CDH23: variants seen among roughly 807,000 people sequenced by gnomAD.
CDH23 encodes the protein cadherin related 23.
In CDH23, 189 loss-of-function variants were observed where a neutral mutation model predicts 317.1. The observed-to-expected ratio is 0.60, with a 90% CI of 0.53 to 0.67. CDH23 has a LOEUF of 0.67. Among genes scored for constraint, CDH23 ranks in the 30% least tolerant of loss-of-function variants. CDH23 has a pLI of 0.00. For missense variants in CDH23, 4,401 were observed against 4,592.4 expected, an observed-to-expected ratio of 0.96 and a Z score of 1.20; for synonymous variants, 1,839 against 1,876.8, an observed-to-expected ratio of 0.98 and a Z score of 0.52.
At chr10:71,582,980 C>T (rs1858748055) in intron 9 of CDH23, among the ~76,000 whole-genome samples, 1 of 152,144 alleles carries the variant, frequency 6.6e-6, no homozygotes, top group African/African-American at 2.4e-5. Context: ...GTTTTATCTA[C>T]TTCTGTGTGT....
intron 16 of CDH23, among the ~76,000 whole-genome samples, chr10:71,678,356 T>G (rs1589323582): frequency 6.6e-6 from 1 of 152,062 alleles, no homozygotes; most frequent in African/African-American, 2.4e-5. Flanking sequence ...CATAGTCGGG[T>G]AGCAGAGCCA....
intron 30 of CDH23, 99 bp downstream of exon 30, chr10:71,725,619 C>T: frequency 7.3e-7 from 1 of 1,368,388 alleles, no homozygotes; most frequent in South Asian, 1.4e-5. Context: ...GTGGGCAGGG[C>T]CACCACTGAT....
chr10:71,581,366 G>A (rs183793639), intron 9 of CDH23, among the ~76,000 whole-genome samples: 7 of 152,306 alleles, frequency 4.6e-5, no homozygotes, highest in African/African-American at 1.7e-4. Context: ...CAGAAGCCTG[G>A]GCTGGTGGTG....
At chr10:71,528,607 G>A (rs763826719) in intron 6 of CDH23, among the ~76,000 whole-genome samples, 188 of 152,360 alleles carry the variant, frequency 1.2e-3, no homozygotes, top group Non-Finnish European at 2.0e-3. Context: ...TTCTCTTCCT[G>A]CGACCAGCGC....
At chr10:71,502,439 C>T (rs921685987) in intron 3 of CDH23, among the ~76,000 whole-genome samples, 1 of 152,138 alleles carries the variant, frequency 6.6e-6, no homozygotes, top group Non-Finnish European at 1.5e-5. Flanking sequence ...TGGCTAGCTC[C>T]CTGGCCCTAG....
At chr10:71,596,793 G>C (rs187416794) in intron 9 of CDH23, among the ~76,000 whole-genome samples, 4 of 152,242 alleles carry the variant, frequency 2.6e-5, no homozygotes, top group South Asian at 2.1e-4. Flanking sequence ...TGTTGGGCAG[G>C]GGGGAGCACG....
At chr10:71,813,533 C>T (rs939978757) in intron 69 of CDH23, among the ~76,000 whole-genome samples, 185 bp downstream of exon 69, 1 of 152,108 alleles carries the variant, frequency 6.6e-6, no homozygotes, top group Non-Finnish European at 1.5e-5. Context: ...GGGGCTTTCA[C>T]AGGAATGGGG....
In CDH23 at chr10:71,436,271, G is replaced by C. The variant is rs1367354723; in HGVS notation, c.-5-3556G>C. Among the ~76,000 whole-genome samples, 3 of 152,374 alleles carry C rather than the reference G, an allele frequency of 2.0e-5. No individual in the cohort carries two copies. In the South Asian group the frequency reaches 6.2e-4, roughly 32 times the overall value. On this transcript the variant is annotated intron_variant, in intron 1 of 69. Coordinates refer to ENST00000224721, the MANE Select transcript of CDH23 (RefSeq NM_022124.6). ...TGAGGCAGTCTGATCGCCTCCGATG[G>C]GGAAAGGAGAACAGGCACTTGAGAG...
chr10:71,479,434 G>C (rs1237319515), intron 3 of CDH23, among the ~76,000 whole-genome samples: 1 of 152,160 alleles, frequency 6.6e-6, no homozygotes, highest in East Asian at 1.9e-4. Flanking sequence ...AGTGAGAGGG[G>C]AAGGGACTGC....
Position 71,814,923 on chromosome 10 carries a change from G to C in CDH23, c.9739-29G>C, listed in dbSNP as rs772628683. 2.5e-6 allele frequency: 4 copies of C among 1,581,472 alleles called. No homozygotes were observed. The African/African-American group carries it at 5.4e-5, about 21-fold the overall frequency. On this transcript the variant is annotated intron_variant, in intron 69 of 69. Coordinates refer to ENST00000224721, the MANE Select transcript of CDH23 (RefSeq NM_022124.6). Reference sequence around the variant, plus strand: ...CTGCTCACCCCTTGGGCATGGCCCTGAGCATGTGGGGGTCCCGGCCTCTTG... The same window carrying C: ...CTGCTCACCCCTTGGGCATGGCCCTCAGCATGTGGGGGTCCCGGCCTCTTG...
intron 38 of CDH23, chr10:71,749,295 T>A (rs977513787): frequency 2.6e-5 from 4 of 152,328 alleles, no homozygotes; most frequent in Admixed American, 6.5e-5. Flanking sequence ...ATACCCTCTT[T>A]CCTTCTTTCT....
chr10:71,654,495 G>T lies in CDH23; in HGVS notation c.1449+7878G>T, dbSNP rs115323866. Among the ~76,000 whole-genome samples, 352 of 152,344 alleles carry T rather than the reference G, an allele frequency of 2.3e-3. 1 individual carries two copies. The highest frequency in any genetic ancestry group is 8.1e-3 in the African/African-American group (338 of 41,570). ...AACCACCCAAACTTAGTGGCATAAA[G>T]CAATAGCTGTTTTTAATACAAATGG... On this transcript the variant is annotated intron_variant, in intron 14 of 69. Coordinates refer to ENST00000224721, the MANE Select transcript of CDH23 (RefSeq NM_022124.6).
At chr10:71,759,936 TAC>T (rs1252089875) in intron 38 of CDH23, among the ~76,000 whole-genome samples, 5 of 52,944 alleles carry the variant, frequency 9.4e-5, no homozygotes, top group African/African-American at 2.5e-4. Context: ...CACACATATA[TAC>T]ACACACACAT....
At chr10:71,758,548 C>A (rs2132878203) in intron 38 of CDH23, among the ~76,000 whole-genome samples, 1 of 152,334 alleles carries the variant, frequency 6.6e-6, no homozygotes, top group Non-Finnish European at 1.5e-5. Flanking sequence ...GGGGGGCTAA[C>A]TGCTACCCAC....
At chr10:71,746,849 C>A (rs1003092392) in intron 38 of CDH23, among the ~76,000 whole-genome samples, 6 of 152,224 alleles carry the variant, frequency 3.9e-5, no homozygotes, top group Non-Finnish European at 5.9e-5. Context: ...TCTCCCACCG[C>A]CCCCTTCTGG....
At chr10:71,559,746 C>T (rs1857034360) in intron 6 of CDH23, among the ~76,000 whole-genome samples, 1 of 152,222 alleles carries the variant, frequency 6.6e-6, no homozygotes, top group Non-Finnish European at 1.5e-5. Flanking sequence ...ACAGAGCTGG[C>T]AGCCCACCCC....
At chr10:71,690,437 AC>A (rs777377206) in intron 19 of CDH23, 30 bp from the exon 20 acceptor site, 2 of 1,508,024 alleles carry the variant, frequency 1.3e-6, no homozygotes, top group Admixed American at 1.9e-5. Flanking sequence ...GGTGAGCAGC[AC>A]CCCCTGCCCC....
intron 6 of CDH23, among the ~76,000 whole-genome samples, chr10:71,519,587 T>A (rs1854541482): frequency 6.6e-6 from 1 of 152,204 alleles, no homozygotes; most frequent in Non-Finnish European, 1.5e-5. Flanking sequence ...GTGATGGGGC[T>A]GTGCACATGT....
chr10:71,782,162 G>A (rs1206074530), intron 41 of CDH23, among the ~76,000 whole-genome samples: 1 of 152,208 alleles, frequency 6.6e-6, no homozygotes, highest in African/African-American at 2.4e-5. Flanking sequence ...GAGGAGCTGT[G>A]TGCTCAAAGA....
Sources: gnomAD v4.1 joint callset for allele counts (sites outside exome capture counted in the v4.1 genomes callset) on GRCh38, gnomAD v4.1.1 for gene constraint, MANE v1.5 for transcripts, NCBI Gene and HGNC (gene_info 2026-07-23, HGNC 2026-07-21) for gene names.